Variants in MZT2B observed in about 807,000 individuals in gnomAD.
MZT2B encodes mitotic spindle organizing protein 2B.
MZT2B carries 11 observed loss-of-function variants against 12.1 expected under a neutral mutation model. The observed-to-expected ratio is 0.91, with a 90% CI of 0.57 to 1.50. The LOEUF is 1.50. Among genes scored for constraint, MZT2B ranks in the 40% most tolerant of loss-of-function variants. MZT2B has a pLI of 0.00. For missense variants in MZT2B, 209 were observed against 227.7 expected (o/e 0.92, Z 0.53); for synonymous variants, 85 against 109.5 (o/e 0.78, Z 1.40).
chr2:130,192,252 C>T (rs1160643853), downstream of MZT2B: 13 of 1,327,364 alleles, frequency 9.8e-6, no homozygotes, highest in African/African-American at 3.0e-5. Context: ...ACCTCACAAA[C>T]GTCACTAAGC....
At chr2:130,198,303 G>A in the MZT2B span, 16 of 1,349,576 alleles carry the variant, frequency 1.2e-5, 4 homozygotes, top group South Asian at 1.1e-4. Context: ...CTGTCCACCC[G>A]AGGCCAACTT....
At position 130,182,296 on chromosome 2, in the gene MZT2B, G is replaced by A. The variant is rs1689733770; in HGVS notation, c.14G>A (p.Gly5Asp). The A allele has an allele frequency of 6.8e-7, 1 of 1,465,556 alleles. No homozygotes were observed. The highest frequency in any genetic ancestry group is 1.5e-5 in the African/African-American group (1 of 67,420). The allele number at this position is 1,465,556 out of a possible 1,614,324, so 90.8% of individuals were successfully genotyped here. A position where few individuals can be genotyped will look rare whatever the true frequency, so the allele number is the denominator to read the frequency against. MAAQ[G>D]VGPGPGSAAP... ...CGGGCCGCGGGGATGGCGGCGCAGGGCGTAGGGCCTGGGCCGGGGTCGGCG... is the reference window on the plus strand; with the variant it reads ...CGGGCCGCGGGGATGGCGGCGCAGGACGTAGGGCCTGGGCCGGGGTCGGCG... Residue 5 changes from glycine (G) to aspartate (D), a missense_variant, in exon 1 of 3, where the codon GGC (glycine) becomes GAC (aspartate). Transcript: ENST00000281871.
chr2:130,182,120 T>C (rs1290946078), upstream of MZT2B: 6 of 1,282,736 alleles, frequency 4.7e-6, no homozygotes, highest in East Asian at 1.1e-4. Flanking sequence ...CCAATAACTG[T>C]TGGGCTTCAA....
chr2:130,188,970 A>G (rs1256312092), intron 2 of MZT2B, among the ~76,000 whole-genome samples: 1 of 152,122 alleles, frequency 6.6e-6, no homozygotes, highest in Non-Finnish European at 1.5e-5. Flanking sequence ...AGGCCAGGGA[A>G]GGACCAGGAT....
intron 2 of MZT2B, among the ~76,000 whole-genome samples, chr2:130,187,052 T>C (rs74466671): frequency 0.38 from 52,044 of 136,646 alleles, 10,796 homozygotes; most frequent in Admixed American, 0.45. Context: ...CCCCACCCAT[T>C]TCTACAAAGA....
downstream of MZT2B, among the ~76,000 whole-genome samples, chr2:130,195,452 A>G (rs1383383286): frequency 3.3e-5 from 5 of 152,234 alleles, no homozygotes; most frequent in African/African-American, 1.2e-4. Context: ...TGTGGTATAA[A>G]TGTCAGCACG....
chr2:130,184,436 A>G, intron 2 of MZT2B: 1 of 985,458 alleles, frequency 1.0e-6, no homozygotes. Flanking sequence ...CCCCGTGGCC[A>G]CACTCCAGCA....
chr2:130,187,412 C>CA (rs1352402326), intron 2 of MZT2B, among the ~76,000 whole-genome samples: 7 of 152,202 alleles, frequency 4.6e-5, no homozygotes, highest in African/African-American at 7.2e-5. Context: ...TGGTCTCTAG[C>CA]TTCTGGCCTC....
chr2:130,191,400 T>C (rs1486630633), downstream of MZT2B, among the ~76,000 whole-genome samples: 1 of 152,148 alleles, frequency 6.6e-6, no homozygotes, highest in Non-Finnish European at 1.5e-5. Context: ...GACCCACAGC[T>C]TTAGAGACTT....
chr2:130,182,232 G>T (rs963185277), upstream of MZT2B: 153 of 1,230,262 alleles, frequency 1.2e-4, no homozygotes, highest in Middle Eastern at 6.4e-4. Flanking sequence ...GGTGGGCGCA[G>T]CCGCTAGGGG....
intron 2 of MZT2B, chr2:130,184,296 C>G (rs1689964808): frequency 1.0e-6 from 1 of 985,252 alleles, no homozygotes; most frequent in Admixed American, 6.1e-5. Flanking sequence ...AGAGCACAGC[C>G]CCAGGCGTGA....
chr2:130,194,752 A>T (rs1401764666), downstream of MZT2B, among the ~76,000 whole-genome samples: 2 of 152,114 alleles, frequency 1.3e-5, no homozygotes, highest in African/African-American at 4.8e-5. Context: ...ATCTCAGCTC[A>T]CTGCAACCTC....
chr2:130,186,444 C>A (rs1353766014), intron 2 of MZT2B, among the ~76,000 whole-genome samples: 1 of 152,160 alleles, frequency 6.6e-6, no homozygotes, highest in Admixed American at 6.5e-5. Context: ...TTCAGTCAAG[C>A]GTTCTATTTA....
chr2:130,184,014 C>A lies in MZT2B; in HGVS notation c.319+1239C>A, dbSNP rs766470783. The A allele has an allele frequency of 1.7e-5, 27 of 1,550,312 alleles. No individual in the cohort carries two copies. The African/African-American group carries it at 3.7e-4, about 21-fold the overall frequency. ...TGGGGGTTGGTGCTCTCCCTTGTTT[C>A]CATGGAAACTGCCTGGCCCCAGGAG... On this transcript the variant is annotated intron_variant, in intron 2 of 2. Transcript: ENST00000281871.
intron 2 of MZT2B, among the ~76,000 whole-genome samples, chr2:130,187,617 C>G (rs1690111913): frequency 6.6e-6 from 1 of 152,170 alleles, no homozygotes; most frequent in South Asian, 2.1e-4. Context: ...ACACTTGGTT[C>G]AATCCCACTG....
chr2:130,193,968 T>C (rs750161838), downstream of MZT2B: 5 of 1,614,202 alleles, frequency 3.1e-6, no homozygotes, highest in Non-Finnish European at 4.2e-6. Flanking sequence ...CAGGCATTGG[T>C]GATCTCGGCC....
intron 2 of MZT2B, chr2:130,183,924 G>T (rs1689938614): frequency 1.3e-6 from 2 of 1,550,414 alleles, no homozygotes; most frequent in South Asian, 2.4e-5. Flanking sequence ...AGGCCCCCCG[G>T]GTTCCCTCCG....
downstream of MZT2B, chr2:130,190,787 G>A (rs1349001365): frequency 2.9e-6 from 4 of 1,366,512 alleles, no homozygotes; most frequent in African/African-American, 6.2e-5. Context: ...CACTTAGAAT[G>A]AAGTTTCTGT....
In MZT2B at chr2:130,187,614, G is replaced by A. The variant is rs375026171; in HGVS notation, c.320-2855G>A. Reference sequence around the variant, plus strand: ...ACACCCCAACCTGCAGCCACACTTGGTTCAATCCCACTGTCTAGCCCGTCT... The same window carrying A: ...ACACCCCAACCTGCAGCCACACTTGATTCAATCCCACTGTCTAGCCCGTCT... On this transcript the variant is annotated intron_variant, in intron 2 of 2. Transcript: ENST00000281871. Among the ~76,000 whole-genome samples the A allele has an allele frequency of 1.2e-4, 19 of 152,272 alleles. No homozygotes were observed. The East Asian group carries it at 2.5e-3, about 20-fold the overall frequency.
Sources: allele counts gnomAD v4.1 joint callset (sites outside exome capture counted in the v4.1 genomes callset), GRCh38; gene constraint gnomAD v4.1.1; transcripts MANE v1.5; gene names NCBI Gene and HGNC (gene_info 2026-07-23, HGNC 2026-07-21).